The following METAP1D variants were observed in gnomAD, a reference collection of about 807,000 sequenced individuals.
METAP1D encodes methionine aminopeptidase 1D, mitochondrial.
METAP1D carries 31 observed loss-of-function variants against 40.5 expected under a neutral mutation model. The ratio of observed to expected loss-of-function variants is 0.77; its 90% CI spans 0.58 to 1.03. The LOEUF (loss-of-function observed/expected upper bound fraction) is 1.03. Ranked by LOEUF, METAP1D falls within the 50% of genes least tolerant of loss-of-function variation. The probability of loss-of-function intolerance (pLI) is 0.00; values close to 1 mark genes in which losing one functional copy is unlikely to be tolerated. For synonymous variants in METAP1D, 151 were observed against 146.4 expected, an observed-to-expected ratio of 1.03 and a Z score of -0.22; for missense variants, 411 against 420.7, an observed-to-expected ratio of 0.98 and a Z score of 0.20.
intron 1 of METAP1D, among the ~76,000 whole-genome samples, chr2:172,037,271 A>AG (rs1168603300): frequency 1.3e-4 from 20 of 151,610 alleles, no homozygotes; most frequent in African/African-American, 4.9e-4. Context: ...TCAAGAAAAA[A>AG]AAAAAGTCTA....
chr2:172,051,626 C>T (rs962574568), intron 1 of METAP1D, among the ~76,000 whole-genome samples: 1 of 152,162 alleles, frequency 6.6e-6, no homozygotes, highest in Admixed American at 6.5e-5. Context: ...CTGGGCACCA[C>T]TCTTAAATGT....
chr2:172,071,158 A>G, intron 6 of METAP1D, 88 bp downstream of exon 6: 1 of 1,207,510 alleles, frequency 8.3e-7, no homozygotes. Flanking sequence ...GACATGTTTT[A>G]TGATTCAGAA....
At chr2:172,059,010 G>C (rs543338261) in intron 1 of METAP1D, among the ~76,000 whole-genome samples, 3 of 152,258 alleles carry the variant, frequency 2.0e-5, no homozygotes, top group African/African-American at 7.2e-5. Context: ...CCTGAGGGCT[G>C]GTTAAGGCAC....
intron 1 of METAP1D, among the ~76,000 whole-genome samples, chr2:172,049,658 A>G (rs1319165012): frequency 1.3e-5 from 2 of 152,144 alleles, no homozygotes; most frequent in East Asian, 3.8e-4. Flanking sequence ...CCTTCAGAAA[A>G]TTTGGAGCTT....
At chr2:172,043,367 T>C (rs1423255841) in intron 1 of METAP1D, among the ~76,000 whole-genome samples, 1 of 131,222 alleles carries the variant, frequency 7.6e-6, no homozygotes, top group African/African-American at 2.5e-5. Context: ...AGGATAATAT[T>C]TGGGGAGAGG....
rs763635428 is a variant in METAP1D at position 172,079,199 on chromosome 2, G to GT, written c.803-10dup. 10 of 1,612,888 alleles carry GT rather than the reference G, an allele frequency of 6.2e-6. No individual in the cohort carries two copies. The highest frequency in any genetic ancestry group is 8.5e-6 in the Non-Finnish European group (10 of 1,179,542). ...CCCATTTCCTATTCTCACCCCCCAT[G>GT]TTTTTTGTTTTGCAGCAAACGACAG... On this transcript the variant is annotated splice_polypyrimidine_tract_variant and intron_variant, in intron 7 of 9. Coordinates refer to ENST00000315796, the MANE Select transcript of METAP1D (RefSeq NM_199227.3).
chr2:172,032,845 G>C (rs907298803), intron 1 of METAP1D, among the ~76,000 whole-genome samples: 9 of 152,224 alleles, frequency 5.9e-5, no homozygotes, highest in East Asian at 1.9e-4. Flanking sequence ...GGTGGATCAC[G>C]AGGTCAGGCG....
chr2:172,068,926 T>C (rs983819069), intron 5 of METAP1D, among the ~76,000 whole-genome samples: 1 of 152,076 alleles, frequency 6.6e-6, no homozygotes, highest in Non-Finnish European at 1.5e-5. Flanking sequence ...TTTTCTTTTT[T>C]TACTTTTTCA....
intron 1 of METAP1D, among the ~76,000 whole-genome samples, chr2:172,026,710 T>C (rs908277135): frequency 4.6e-5 from 7 of 152,114 alleles, no homozygotes; most frequent in Non-Finnish European, 1.0e-4. Flanking sequence ...GTCCCCCAAA[T>C]TTGTTTCTAT....
At chr2:172,067,117 C>T (rs1256451311) in intron 5 of METAP1D, among the ~76,000 whole-genome samples, 1 of 152,006 alleles carries the variant, frequency 6.6e-6, no homozygotes, top group African/African-American at 2.4e-5. Context: ...TGTAATGATA[C>T]CTTTGGATTA....
At chr2:172,031,994 G>A (rs980192088) in intron 1 of METAP1D, among the ~76,000 whole-genome samples, 1 of 152,180 alleles carries the variant, frequency 6.6e-6, no homozygotes, top group Non-Finnish European at 1.5e-5. Context: ...CGGTGCCCTG[G>A]GGCACCAAGC....
rs182864473 is a variant in METAP1D at position 172,065,652 on chromosome 2, A to G, written c.397A>G (p.Ile133Val). Residue 133 changes from isoleucine (I) to valine (V), a missense_variant, in exon 4 of 10, where the codon ATC (isoleucine) becomes GTC (valine). By Grantham distance (29) the Ile-to-Val change is conservative. Coordinates refer to ENST00000315796, the MANE Select transcript of METAP1D (RefSeq NM_199227.3). The stretch of plus-strand genomic sequence containing the variant: ...AGATGCTCTTGTTCATCGGGAAATC[A>G]TCAGTCATAATGCCTATCCCTCACC... Reference protein sequence around the residue: ...EIDALVHREIISHNAYPSPLG... With the variant: ...EIDALVHREIVSHNAYPSPLG... The G allele has an allele frequency of 4.3e-6, 7 of 1,614,026 alleles. No individual in the cohort carries two copies. Among genetic ancestry groups the G allele is most frequent in the Non-Finnish European group, 1.7e-6 (2 of 1,179,928 alleles).
chr2:172,030,427 T>C (rs893014121), intron 1 of METAP1D, among the ~76,000 whole-genome samples: 1 of 151,924 alleles, frequency 6.6e-6, no homozygotes, highest in Non-Finnish European at 1.5e-5. Context: ...ATTGCAGAGG[T>C]GGAAATGAAC....
chr2:172,016,300 A>AAAAAATATATATATATAT (rs1553490378), intron 1 of METAP1D, among the ~76,000 whole-genome samples: 3 of 40,030 alleles, frequency 7.5e-5, no homozygotes, highest in Admixed American at 4.6e-4. Flanking sequence ...AAAAAAAAAA[A>AAAAAATATATATATATAT]ATATATATAT....
chr2:172,065,666 C>T lies in METAP1D; in HGVS notation c.411C>T (p.Ala137=). 6.2e-7 allele frequency: 1 copy of T among 1,613,974 alleles called. No homozygotes were observed. Among genetic ancestry groups the T allele is most frequent in the South Asian group, 1.1e-5 (1 of 91,068 alleles). ...LVHREIISHN[A]YPSPLGYGGF... ...ATCGGGAAATCATCAGTCATAATGC[C>T]TATCCCTCACCTCTAGGCTATGGAG... is the stretch of plus-strand genomic sequence containing the variant. Residue 137 remains alanine, a synonymous_variant, in exon 4 of 10, where the codon GCC becomes GCT. Transcript: ENST00000315796.
chr2:172,005,517 ATT>A (rs201489655), intron 1 of METAP1D, among the ~76,000 whole-genome samples: 8 of 89,570 alleles, frequency 8.9e-5, no homozygotes, highest in Non-Finnish European at 1.7e-4. Flanking sequence ...TGGTGTCTGT[ATT>A]TTATATATAT....
At chr2:172,066,430 A>G in intron 5 of METAP1D, 124 bp downstream of exon 5, 1 of 731,082 alleles carries the variant, frequency 1.4e-6, no homozygotes, top group African/African-American at 1.8e-5. Flanking sequence ...ACCCAGACGC[A>G]AGCAGCTGGT....
At chr2:172,075,092 C>T (rs1191045708) in intron 6 of METAP1D, among the ~76,000 whole-genome samples, 1 of 152,130 alleles carries the variant, frequency 6.6e-6, no homozygotes, top group Non-Finnish European at 1.5e-5. Context: ...AAAGAGGTAT[C>T]TTTTTCATGT....
intron 1 of METAP1D, among the ~76,000 whole-genome samples, chr2:172,003,922 G>A (rs1322334218): frequency 6.6e-6 from 1 of 151,736 alleles, no homozygotes; most frequent in Non-Finnish European, 1.5e-5. Flanking sequence ...CCACCACCAC[G>A]CCTGGCTAAT....
Sources: gnomAD v4.1 joint callset for allele counts (sites outside exome capture counted in the v4.1 genomes callset) on GRCh38, gnomAD v4.1.1 for gene constraint, MANE v1.5 for transcripts, NCBI Gene and HGNC (gene_info 2026-07-23, HGNC 2026-07-21) for gene names.